The following ELMO1 variants were observed in gnomAD, a reference collection of about 807,000 sequenced individuals.
ELMO1 encodes engulfment and cell motility protein 1.
ELMO1 carries 26 observed loss-of-function variants against 98.9 expected under a neutral mutation model. The ratio of observed to expected loss-of-function variants is 0.26; its 90% CI spans 0.19 to 0.36. ELMO1 has a LOEUF of 0.36. ELMO1 is among the 10% of genes least tolerant of loss of function. The probability of loss-of-function intolerance (pLI) is 1.00; values close to 1 mark genes in which losing one functional copy is unlikely to be tolerated. For synonymous variants in ELMO1, 346 were observed against 346.0 expected, an observed-to-expected ratio of 1.00 and a Z score of 0.00; for missense variants, 627 against 935.2, an observed-to-expected ratio of 0.67 and a Z score of 4.30.
chr7:36,921,825 T>G (rs1785173035), intron 16 of ELMO1, among the ~76,000 whole-genome samples: 1 of 152,182 alleles, frequency 6.6e-6, no homozygotes, highest in Non-Finnish European at 1.5e-5. Context: ...TGAGGAAGGA[T>G]CTCACCTGGG....
intron 15 of ELMO1, among the ~76,000 whole-genome samples, chr7:37,072,931 T>C (rs1030987640): frequency 6.6e-6 from 1 of 152,230 alleles, no homozygotes; most frequent in East Asian, 1.9e-4. Flanking sequence ...GTTTCTTGGT[T>C]TTCTTTTATT....
intron 14 of ELMO1, among the ~76,000 whole-genome samples, chr7:37,119,496 A>G (rs548702899): frequency 1.3e-5 from 2 of 152,330 alleles, no homozygotes; most frequent in African/African-American, 4.8e-5. Flanking sequence ...TATTTCTCCC[A>G]ACTATTTTTT....
chr7:37,070,218 G>A (rs918141982), intron 15 of ELMO1, among the ~76,000 whole-genome samples: 13 of 152,178 alleles, frequency 8.5e-5, no homozygotes, highest in African/African-American at 1.7e-4. Flanking sequence ...ATCACCCTAC[G>A]TTCCTGGCAC....
chr7:37,174,545 G>A lies in ELMO1; in HGVS notation c.1086+36841C>T, dbSNP rs1013962866. ...AACTCATCAGCCATCTGTATCGAGCGGGCTATCTGAGGATGCATGTCAGAG... is the reference window on the plus strand; with the variant it reads ...AACTCATCAGCCATCTGTATCGAGCAGGCTATCTGAGGATGCATGTCAGAG... On this transcript the variant is annotated intron_variant, in intron 13 of 21. Transcript: ENST00000310758. Among the ~76,000 whole-genome samples, 12 of 152,082 alleles carry A rather than the reference G, an allele frequency of 7.9e-5. No individual in the cohort carries two copies. In the East Asian group the frequency reaches 1.7e-3, roughly 22 times the overall value.
At chr7:37,170,016 C>G (rs1374385560) in intron 13 of ELMO1, among the ~76,000 whole-genome samples, 1 of 152,258 alleles carries the variant, frequency 6.6e-6, no homozygotes, top group East Asian at 1.9e-4. Context: ...ATTCTCCCGC[C>G]TCAGCCTCCC....
chr7:37,336,451 C>G (rs1198487704), intron 2 of ELMO1, among the ~76,000 whole-genome samples: 2 of 152,132 alleles, frequency 1.3e-5, no homozygotes, highest in Non-Finnish European at 2.9e-5. Context: ...GTGATGGGAA[C>G]TGTTGTTATG....
chr7:36,983,277 G>A (rs578255743), intron 16 of ELMO1, among the ~76,000 whole-genome samples: 2 of 152,262 alleles, frequency 1.3e-5, no homozygotes, highest in Non-Finnish European at 2.9e-5. Context: ...GCAACCAATG[G>A]GGCATTTTGT....
intron 15 of ELMO1, among the ~76,000 whole-genome samples, chr7:37,081,107 A>C (rs913608482): frequency 2.0e-5 from 3 of 152,192 alleles, no homozygotes; most frequent in African/African-American, 7.2e-5. Flanking sequence ...TTTCACTGCT[A>C]TAGCCCCAGT....
chr7:37,082,140 G>A (rs755456464), intron 15 of ELMO1, among the ~76,000 whole-genome samples: 30 of 152,250 alleles, frequency 2.0e-4, no homozygotes, highest in Admixed American at 5.2e-4. Context: ...TTTAGATACC[G>A]CTGTTTCCAC....
chr7:36,952,667 G>A (rs536864262), intron 16 of ELMO1, among the ~76,000 whole-genome samples: 1 of 152,220 alleles, frequency 6.6e-6, no homozygotes, highest in East Asian at 1.9e-4. Flanking sequence ...TGGGAAGCGG[G>A]AATTGTAATG....
intron 6 of ELMO1, among the ~76,000 whole-genome samples, chr7:37,257,253 C>T (rs541494837): frequency 2.0e-5 from 3 of 152,316 alleles, no homozygotes; most frequent in South Asian, 2.1e-4. Flanking sequence ...CTCCAACTCC[C>T]TCAAGGACAG....
chr7:37,347,086 G>C (rs941621267), intron 1 of ELMO1, among the ~76,000 whole-genome samples: 1 of 152,140 alleles, frequency 6.6e-6, no homozygotes, highest in Non-Finnish European at 1.5e-5. Context: ...AAAGGGAGGG[G>C]GGCATAGCAA....
At chr7:37,436,848 T>C (rs564005065) in intron 1 of ELMO1, among the ~76,000 whole-genome samples, 2 of 152,292 alleles carry the variant, frequency 1.3e-5, no homozygotes, top group African/African-American at 4.8e-5. Context: ...GCTGGGACAA[T>C]GGGGCCACAC....
At chr7:37,100,808 G>A (rs1042249382) in intron 14 of ELMO1, among the ~76,000 whole-genome samples, 5 of 152,196 alleles carry the variant, frequency 3.3e-5, no homozygotes, top group Non-Finnish European at 7.3e-5. Context: ...CAAAGAGAGG[G>A]GACACAAAGC....
At chr7:37,222,955 CA>C (rs1231977507) in intron 9 of ELMO1, among the ~76,000 whole-genome samples, 3 of 152,190 alleles carry the variant, frequency 2.0e-5, no homozygotes, top group African/African-American at 7.2e-5. Flanking sequence ...CTCTCTTATT[CA>C]GATTAAAGGC....
At chr7:37,111,775 T>A (rs1011634731) in intron 14 of ELMO1, among the ~76,000 whole-genome samples, 18 of 152,236 alleles carry the variant, frequency 1.2e-4, no homozygotes, top group African/African-American at 4.3e-4. Context: ...TTTAGCTTTC[T>A]TTTTGTTCCT....
chr7:37,276,501 C>T (rs551732655), intron 4 of ELMO1, among the ~76,000 whole-genome samples: 1 of 152,236 alleles, frequency 6.6e-6, no homozygotes, highest in South Asian at 2.1e-4. Flanking sequence ...GTCCCAGCTA[C>T]TCGGGAGGCT....
At chr7:36,973,827 C>A (rs1397215883) in intron 16 of ELMO1, among the ~76,000 whole-genome samples, 1 of 152,096 alleles carries the variant, frequency 6.6e-6, no homozygotes, top group Non-Finnish European at 1.5e-5. Context: ...CTTGGCGGCC[C>A]GCACTCGGAG....
At chr7:36,989,465 T>TA (rs1235156715) in intron 16 of ELMO1, among the ~76,000 whole-genome samples, 2 of 152,228 alleles carry the variant, frequency 1.3e-5, no homozygotes, top group Non-Finnish European at 2.9e-5. Flanking sequence ...CAGGAATTCT[T>TA]ACGCACACCA....
Sources: gnomAD v4.1 joint callset for allele counts (sites outside exome capture counted in the v4.1 genomes callset) on GRCh38, gnomAD v4.1.1 for gene constraint, MANE v1.5 for transcripts, NCBI Gene and HGNC (gene_info 2026-07-23, HGNC 2026-07-21) for gene names.